Variants in HIP1 observed in about 807,000 individuals in gnomAD.
The protein encoded by HIP1 is huntingtin interacting protein 1, also known as huntingtin-interacting protein 1.
Under a neutral mutation model 147.6 loss-of-function variants are expected in HIP1, and 65 were observed. That is an observed-to-expected ratio of 0.44 (90% confidence interval 0.36 to 0.54). The LOEUF (loss-of-function observed/expected upper bound fraction) is 0.54, where lower values mean the gene tolerates loss of function less well. HIP1 is among the 20% of genes least tolerant of loss of function. The probability of loss-of-function intolerance (pLI) is 0.00; values close to 1 mark genes in which losing one functional copy is unlikely to be tolerated. For synonymous variants in HIP1, 479 were observed against 504.0 expected, an observed-to-expected ratio of 0.95 and a Z score of 0.67; for missense variants, 1,061 against 1,299.6, an observed-to-expected ratio of 0.82 and a Z score of 2.82.
intron 27 of HIP1, among the ~76,000 whole-genome samples, chr7:75,543,499 C>G (rs1794413068): frequency 6.6e-6 from 1 of 151,988 alleles, no homozygotes; most frequent in African/African-American, 2.4e-5. Context: ...TTACAAGTGC[C>G]CGCCACCACA....
chr7:75,577,731 G>A (rs1173321652), intron 7 of HIP1, among the ~76,000 whole-genome samples: 2 of 152,232 alleles, frequency 1.3e-5, no homozygotes, highest in African/African-American at 4.8e-5. Flanking sequence ...TGGGCACGGT[G>A]GCTCATGCCT....
intron 1 of HIP1, among the ~76,000 whole-genome samples, chr7:75,673,348 T>G (rs1554515578): frequency 6.6e-6 from 1 of 152,104 alleles, no homozygotes; most frequent in Admixed American, 6.6e-5. Flanking sequence ...AAGACTGTTT[T>G]GCTTATTTGG....
chr7:75,719,307 A>C (rs1554520902), intron 1 of HIP1, among the ~76,000 whole-genome samples: 1 of 152,062 alleles, frequency 6.6e-6, no homozygotes, highest in East Asian at 1.9e-4. Flanking sequence ...GATCAAAACC[A>C]TCCTGGCCAA....
At chr7:75,718,570 A>C (rs1253686785) in intron 1 of HIP1, among the ~76,000 whole-genome samples, 10 of 152,200 alleles carry the variant, frequency 6.6e-5, no homozygotes, top group Admixed American at 6.5e-4. Context: ...ACAGGCAGAC[A>C]CAAACGCCAG....
intron 1 of HIP1, among the ~76,000 whole-genome samples, chr7:75,633,539 G>A (rs1253334669): frequency 3.9e-5 from 6 of 152,014 alleles, no homozygotes; most frequent in African/African-American, 1.4e-4. Flanking sequence ...TGATCCTCCC[G>A]CCTTGGCCTC....
intron 13 of HIP1, 72 bp from the exon 14 acceptor site, chr7:75,559,987 G>GGACCCGCTTC: frequency 7.2e-7 from 1 of 1,398,514 alleles, no homozygotes; most frequent in Non-Finnish European, 9.5e-7. Flanking sequence ...GGAGAAGCGG[G>GGACCCGCTTC]TCCTACCATG....
intron 26 of HIP1, 22 bp from the exon 27 acceptor site, chr7:75,544,822 G>C: frequency 6.8e-7 from 1 of 1,481,356 alleles, no homozygotes; most frequent in Non-Finnish European, 9.4e-7. Flanking sequence ...CGACAAGAGG[G>C]ACTAGGTTAC....
chr7:75,582,054 C>T (rs1796073693), intron 6 of HIP1, 21 bp downstream of exon 6: 1 of 1,605,806 alleles, frequency 6.2e-7, no homozygotes, highest in Non-Finnish European at 8.5e-7. Context: ...CCTCCCTGGG[C>T]TCAGGGCAGG....
At chr7:75,712,747 C>T (rs1355731153) in intron 1 of HIP1, among the ~76,000 whole-genome samples, 1 of 152,194 alleles carries the variant, frequency 6.6e-6, no homozygotes, top group Admixed American at 6.6e-5. Context: ...TTCAATCCCT[C>T]ATTCACTCTT....
chr7:75,721,022 G>A (rs1451863654), intron 1 of HIP1, among the ~76,000 whole-genome samples: 4 of 126,668 alleles, frequency 3.2e-5, no homozygotes, highest in Non-Finnish European at 6.6e-5. Context: ...TGGGCAACAA[G>A]AGCAAAACTC....
intron 25 of HIP1, 46 bp from the exon 26 acceptor site, chr7:75,545,234 A>C (rs371589091): frequency 9.1e-7 from 1 of 1,092,900 alleles, no homozygotes; most frequent in African/African-American, 1.6e-5. Context: ...TTGAGCATGT[A>C]CTATATGGCA....
intron 2 of HIP1, among the ~76,000 whole-genome samples, chr7:75,597,118 A>G (rs1352484030): frequency 6.6e-6 from 1 of 152,078 alleles, no homozygotes. Context: ...CTTTCTGGGG[A>G]AAAAAAGAGC....
intron 1 of HIP1, among the ~76,000 whole-genome samples, chr7:75,612,168 G>A (rs1299981288): frequency 1.3e-5 from 2 of 152,172 alleles, no homozygotes; most frequent in Admixed American, 1.3e-4. Flanking sequence ...GGCCAGAGAA[G>A]GAAAACCTGA....
At chr7:75,539,268 C>T (rs1794208474) in intron 30 of HIP1, 55 bp downstream of exon 30, 11 of 1,321,228 alleles carry the variant, frequency 8.3e-6, no homozygotes, top group Non-Finnish European at 1.2e-5. Flanking sequence ...AGGCCCTGGC[C>T]ACACAGCTTC....
chr7:75,644,856 G>A (rs957671109), intron 1 of HIP1, among the ~76,000 whole-genome samples: 3 of 152,176 alleles, frequency 2.0e-5, no homozygotes, highest in Non-Finnish European at 4.4e-5. Flanking sequence ...CTGTGATCCT[G>A]GTGGCTCTGG....
chr7:75,669,047 G>A (rs782208088), intron 1 of HIP1, among the ~76,000 whole-genome samples: 5 of 150,080 alleles, frequency 3.3e-5, no homozygotes, highest in South Asian at 2.1e-4. Flanking sequence ...GCGAAACCTC[G>A]TTTCTACTTA....
chr7:75,729,481 T>C (rs1476256879), intron 1 of HIP1, among the ~76,000 whole-genome samples: 1 of 151,352 alleles, frequency 6.6e-6, no homozygotes, highest in East Asian at 1.9e-4. Context: ...AGCAAGACTC[T>C]ATCTCTTAAA....
At chr7:75,726,643 T>A (rs928031150) in intron 1 of HIP1, among the ~76,000 whole-genome samples, 8 of 151,964 alleles carry the variant, frequency 5.3e-5, no homozygotes, top group Non-Finnish European at 1.2e-4. Flanking sequence ...TTTCTTTTTT[T>A]AATATTTTTA....
chr7:75,703,011 A>G (rs985465840), intron 1 of HIP1, among the ~76,000 whole-genome samples: 4 of 152,156 alleles, frequency 2.6e-5, no homozygotes, highest in Non-Finnish European at 5.9e-5. Flanking sequence ...TCCAAACTGT[A>G]GCGGGAATTA....
Sources: allele counts gnomAD v4.1 joint callset (sites outside exome capture counted in the v4.1 genomes callset), GRCh38; gene constraint gnomAD v4.1.1; transcripts MANE v1.5; gene names NCBI Gene and HGNC (gene_info 2026-07-23, HGNC 2026-07-21).